BCL2: variants seen among roughly 807,000 people sequenced by gnomAD.
BCL2 encodes the protein BCL2 apoptosis regulator.
Under a neutral mutation model 14.2 loss-of-function variants are expected in BCL2, and 1 was observed. The ratio of observed to expected loss-of-function variants is 0.07; its 90% CI spans 0.02 to 0.33. The LOEUF is 0.33. Ranked by LOEUF, BCL2 falls within the 10% of genes least tolerant of loss-of-function variation. The probability of loss-of-function intolerance (pLI) is 0.99; values close to 1 mark genes in which losing one functional copy is unlikely to be tolerated. For synonymous variants in BCL2, 151 were observed against 137.2 expected, an observed-to-expected ratio of 1.10 and a Z score of -0.70; for missense variants, 247 against 305.9, an observed-to-expected ratio of 0.81 and a Z score of 1.44.
intron 2 of BCL2, among the ~76,000 whole-genome samples, chr18:63,210,171 T>C (rs1291608445): frequency 6.6e-6 from 1 of 152,158 alleles, no homozygotes; most frequent in Non-Finnish European, 1.5e-5. Context: ...TTCTAGGACT[T>C]CGGGGTCCTA....
intron 2 of BCL2, among the ~76,000 whole-genome samples, chr18:63,140,973 T>A (rs1464128849): frequency 1.3e-5 from 2 of 152,192 alleles, no homozygotes; most frequent in Non-Finnish European, 2.9e-5. Context: ...TGCACCACTG[T>A]CATTCTCCAA....
intron 2 of BCL2, among the ~76,000 whole-genome samples, chr18:63,311,662 A>G (rs975628561): frequency 6.6e-6 from 1 of 152,206 alleles, no homozygotes; most frequent in African/African-American, 2.4e-5. Flanking sequence ...GAAGTTGTGA[A>G]GGCAAAACAA....
intron 2 of BCL2, among the ~76,000 whole-genome samples, chr18:63,142,796 T>G (rs1254473799): frequency 6.6e-6 from 1 of 152,226 alleles, no homozygotes; most frequent in African/African-American, 2.4e-5. Flanking sequence ...AAGAAAAATC[T>G]GCTTTCATTT....
intron 2 of BCL2, among the ~76,000 whole-genome samples, chr18:63,270,426 G>A (rs1911973624): frequency 6.6e-6 from 1 of 152,100 alleles, no homozygotes; most frequent in African/African-American, 2.4e-5. Context: ...CTACCGATAG[G>A]CAGTACATTC....
intron 2 of BCL2, among the ~76,000 whole-genome samples, chr18:63,192,448 A>G (rs1461936430): frequency 6.6e-6 from 1 of 152,206 alleles, no homozygotes; most frequent in Non-Finnish European, 1.5e-5. Context: ...GAGCCTGGAT[A>G]TTATTCTAGG....
Position 63,287,383 on chromosome 18 carries a change from A to G in BCL2, c.585+30699T>C, listed in dbSNP as rs183634630. Among the ~76,000 whole-genome samples the G allele has an allele frequency of 2.4e-3, 368 of 152,322 alleles. 1 individual carries two copies. Among genetic ancestry groups the G allele is most frequent in the African/African-American group, 7.7e-3 (321 of 41,574 alleles). On this transcript the variant is annotated intron_variant, in intron 2 of 2. Coordinates refer to ENST00000333681, the MANE Select transcript of BCL2 (RefSeq NM_000633.3). ...TAAATGGCATTGACGAAGAGGATGGATGGGCTGGGAACAGGTGCTGAAAGA... is the reference window on the plus strand; with the variant it reads ...TAAATGGCATTGACGAAGAGGATGGGTGGGCTGGGAACAGGTGCTGAAAGA...
intron 2 of BCL2, among the ~76,000 whole-genome samples, chr18:63,240,571 A>G (rs915795142): frequency 3.3e-5 from 5 of 152,212 alleles, no homozygotes; most frequent in African/African-American, 4.8e-5. Flanking sequence ...TGGATACTAC[A>G]ATTTATAAAA....
chr18:63,164,746 A>T (rs1429648820), intron 2 of BCL2, among the ~76,000 whole-genome samples: 1 of 152,060 alleles, frequency 6.6e-6, no homozygotes, highest in Non-Finnish European at 1.5e-5. Context: ...AAACCACTGG[A>T]GGAGAAATGA....
chr18:63,184,540 T>C (rs1454043114), intron 2 of BCL2, among the ~76,000 whole-genome samples: 1 of 152,186 alleles, frequency 6.6e-6, no homozygotes, highest in Admixed American at 6.5e-5. Flanking sequence ...CCAATCTCTT[T>C]AGGGAAATTT....
chr18:63,250,507 G>A (rs952406759), intron 2 of BCL2, among the ~76,000 whole-genome samples: 3 of 152,328 alleles, frequency 2.0e-5, no homozygotes, highest in South Asian at 2.1e-4. Flanking sequence ...ATATGATGAC[G>A]ATGATGATGG....
chr18:63,206,681 G>A (rs1230067566), intron 2 of BCL2, among the ~76,000 whole-genome samples: 2 of 152,162 alleles, frequency 1.3e-5, no homozygotes, highest in Non-Finnish European at 1.5e-5. Flanking sequence ...AGATGCTGTT[G>A]GAGATATAAA....
intron 2 of BCL2, among the ~76,000 whole-genome samples, chr18:63,195,361 G>A (rs1009621617): frequency 2.6e-5 from 4 of 152,176 alleles, no homozygotes; most frequent in African/African-American, 9.6e-5. Flanking sequence ...TGCTGTTTTG[G>A]AAAAGTTACA....
chr18:63,250,926 A>G (rs4987750), intron 2 of BCL2, among the ~76,000 whole-genome samples: 13,360 of 152,238 alleles, frequency 0.088, 649 homozygotes, highest in South Asian at 0.16. Context: ...CGGAGTTCCA[A>G]TATTGGTGGG....
At chr18:63,249,317 C>T (rs1911238746) in intron 2 of BCL2, among the ~76,000 whole-genome samples, 4 of 152,176 alleles carry the variant, frequency 2.6e-5, no homozygotes, top group South Asian at 2.1e-4. Flanking sequence ...CCATTTAACA[C>T]CCTACTGTTA....
At chr18:63,316,672 G>A (rs1913506284) in intron 2 of BCL2, 2 of 152,148 alleles carry the variant, frequency 1.3e-5, no homozygotes, top group South Asian at 4.1e-4. Context: ...GGTCAAATAA[G>A]ATCAGATGTT....
intron 2 of BCL2, among the ~76,000 whole-genome samples, chr18:63,172,737 T>C (rs1568223929): frequency 6.6e-6 from 1 of 152,174 alleles, no homozygotes; most frequent in East Asian, 1.9e-4. Context: ...GCCGAGATCG[T>C]GCCACTGCAC....
intron 2 of BCL2, among the ~76,000 whole-genome samples, chr18:63,199,242 CAG>C (rs1405555544): frequency 1.4e-5 from 2 of 140,548 alleles, no homozygotes; most frequent in South Asian, 2.4e-4. Flanking sequence ...CACATGCACA[CAG>C]AAACACACAG....
chr18:63,204,342 A>C (rs1456026213), intron 2 of BCL2, among the ~76,000 whole-genome samples: 1 of 152,218 alleles, frequency 6.6e-6, no homozygotes, highest in Non-Finnish European at 1.5e-5. Flanking sequence ...TGCCAATGGA[A>C]CATTAACCAA....
chr18:63,240,271 G>A (rs1910963028), intron 2 of BCL2, among the ~76,000 whole-genome samples: 1 of 152,208 alleles, frequency 6.6e-6, no homozygotes, highest in Non-Finnish European at 1.5e-5. Flanking sequence ...TTACCGCTGT[G>A]AGCCACTGCA....
Sources: allele counts gnomAD v4.1 joint callset (sites outside exome capture counted in the v4.1 genomes callset), GRCh38; gene constraint gnomAD v4.1.1; transcripts MANE v1.5; gene names NCBI Gene and HGNC (gene_info 2026-07-23, HGNC 2026-07-21).